SPESP1: variants seen among roughly 807,000 people sequenced by gnomAD.
The protein encoded by SPESP1 is equatorial segment protein.
Under a neutral mutation model 3.1 loss-of-function variants are expected in SPESP1, and 1 was observed. The ratio of observed to expected loss-of-function variants is 0.33; its 90% CI spans 0.12 to 1.54. The LOEUF is 1.54. Ranked by LOEUF, SPESP1 falls within the 40% of genes most tolerant of loss-of-function variation. The pLI, the probability that SPESP1 is intolerant of heterozygous loss-of-function variation, is 0.38. For missense variants in SPESP1, 398 were observed against 410.1 expected (o/e 0.97, Z 0.26); for synonymous variants, 138 against 150.7 (o/e 0.92, Z 0.62).
intron 1 of SPESP1, among the ~76,000 whole-genome samples, chr15:68,933,062 A>G (rs565704496): frequency 6.6e-6 from 1 of 152,338 alleles, no homozygotes; most frequent in South Asian, 2.1e-4. Flanking sequence ...TATGGCCACT[A>G]TTCAAACAAT....
At chr15:68,932,244 A>G (rs1200119608) in intron 1 of SPESP1, among the ~76,000 whole-genome samples, 1 of 152,194 alleles carries the variant, frequency 6.6e-6, no homozygotes, top group Non-Finnish European at 1.5e-5. Context: ...ACTAACATAT[A>G]TGGAGACTTT....
In SPESP1 at chr15:68,945,591, C is replaced by G. The variant is rs1172563544; in HGVS notation, c.65-8C>G. 2 of 1,525,694 alleles carry G rather than the reference C, an allele frequency of 1.3e-6. No individual in the cohort carries two copies. Among genetic ancestry groups the G allele is most frequent in the African/African-American group, 2.8e-5 (2 of 71,400 alleles). The allele number at this position is 1,525,694 out of a possible 1,614,324, so 94.5% of individuals were successfully genotyped here. A position where few individuals can be genotyped will look rare whatever the true frequency, so the allele number is the denominator to read the frequency against. The stretch of plus-strand genomic sequence containing the variant: ...TTACTTATTATTTATTTGATTTTTT[C>G]CCTGAAGGCATAACTGTGACACCTG... On this transcript the variant is annotated splice_region_variant and splice_polypyrimidine_tract_variant and intron_variant, in intron 1 of 1. Transcript: ENST00000310673.
chr15:68,936,079 T>C (rs1179394078), intron 1 of SPESP1, among the ~76,000 whole-genome samples: 1 of 152,198 alleles, frequency 6.6e-6, no homozygotes, highest in Non-Finnish European at 1.5e-5. Flanking sequence ...GTATAGAAAA[T>C]ACAAGCAATT....
intron 1 of SPESP1, among the ~76,000 whole-genome samples, chr15:68,932,639 G>A (rs960303499): frequency 3.9e-5 from 6 of 152,088 alleles, no homozygotes; most frequent in Admixed American, 2.0e-4. Context: ...TGATCCATCC[G>A]CCTCGGCCTT....
At chr15:68,940,227 C>G (rs2140424132) in intron 1 of SPESP1, among the ~76,000 whole-genome samples, 1 of 152,102 alleles carries the variant, frequency 6.6e-6, no homozygotes, top group East Asian at 1.9e-4. Context: ...ATGATTAATC[C>G]TATTTCATTG....
intron 1 of SPESP1, among the ~76,000 whole-genome samples, chr15:68,940,916 A>G (rs915949380): frequency 2.6e-5 from 4 of 152,090 alleles, no homozygotes; most frequent in Non-Finnish European, 4.4e-5. Context: ...TTTAATTATT[A>G]GCTGAAATAG....
At chr15:68,944,193 A>C (rs966969456) in intron 1 of SPESP1, among the ~76,000 whole-genome samples, 1 of 152,158 alleles carries the variant, frequency 6.6e-6, no homozygotes, top group African/African-American at 2.4e-5. Flanking sequence ...CTGGTTCAGG[A>C]GTAGTTGAAC....
At chr15:68,937,710 A>G (rs1374090907) in intron 1 of SPESP1, among the ~76,000 whole-genome samples, 1 of 152,122 alleles carries the variant, frequency 6.6e-6, no homozygotes, top group African/African-American at 2.4e-5. Context: ...CTCTCTGGGT[A>G]GGAGGGAACT....
In SPESP1 at chr15:68,946,591, A is replaced by C. The variant is rs2140430973; in HGVS notation, c.*4A>C. On this transcript the variant is annotated 3_prime_UTR_variant, in exon 2 of 2. Transcript: ENST00000310673. The stretch of plus-strand genomic sequence containing the variant: ...AGCCTTATTAAAAGTTTATTAAACA[A>C]TAATATAAAAATTTTAAACCTACTT... 7.0e-7 allele frequency: 1 copy of C among 1,436,176 alleles called. No homozygotes were observed. Among genetic ancestry groups the C allele is most frequent in the Non-Finnish European group, 9.1e-7 (1 of 1,097,528 alleles). The allele number at this position is 1,436,176 out of a possible 1,614,324, so 89.0% of individuals were successfully genotyped here. A position where few individuals can be genotyped will look rare whatever the true frequency, so the allele number is the denominator to read the frequency against.
At position 68,945,633 on chromosome 15, in the gene SPESP1, G is replaced by A. The variant is rs751038820; in HGVS notation, c.99G>A (p.Leu33=). Residue 33 remains leucine (L), a synonymous_variant, in exon 2 of 2, where the codon TTG becomes TTA. Coordinates refer to ENST00000310673, the MANE Select transcript of SPESP1 (RefSeq NM_145658.4). ...ITVTPDEEQN[L]NHYIQVLENL... is the part of the protein sequence containing the mutation. ...TGACACCTGATGAAGAGCAAAACTTGAATCATTATATACAAGTTTTAGAGA... is the reference window on the plus strand; with the variant it reads ...TGACACCTGATGAAGAGCAAAACTTAAATCATTATATACAAGTTTTAGAGA... 31 of 1,586,638 alleles carry A rather than the reference G, an allele frequency of 2.0e-5. No homozygotes were observed. In the South Asian group the frequency reaches 3.3e-4, roughly 17 times the overall value.
In SPESP1 at chr15:68,946,321, C is replaced by A. The variant is rs80281762; in HGVS notation, c.787C>A (p.Arg263=). 1,391 of 1,614,126 alleles carry A rather than the reference C, an allele frequency of 8.6e-4. 21 individuals are homozygous for A. In the East Asian group the frequency reaches 0.026, roughly 30 times the overall value. The change falls in exon 2 of 2, where the codon CGA becomes AGA. Residue 263 remains arginine, a synonymous_variant. Coordinates refer to ENST00000310673, the MANE Select transcript of SPESP1 (RefSeq NM_145658.4). ...TGAAGCCTCTAAAGATCACCTAAAA[C>A]GAAGCCTTGCTCTAGCAGCAGCAGC... ...DIEASKDHLK[R]SLALAAAAEH... is the part of the protein sequence containing the mutation.
At chr15:68,945,483 T>G in intron 1 of SPESP1, 116 bp from the exon 2 acceptor site, 1 of 826,784 alleles carries the variant, frequency 1.2e-6, no homozygotes, top group Non-Finnish European at 1.7e-6. Flanking sequence ...ATATTGGTTC[T>G]TTATTTCAAT....
At chr15:68,942,169 C>CTTTTTTTTTTTTTTTTT (rs778249415) in intron 1 of SPESP1, among the ~76,000 whole-genome samples, 7 of 142,864 alleles carry the variant, frequency 4.9e-5, no homozygotes, top group South Asian at 2.2e-4. Context: ...CATCTTATTT[C>CTTTTTTTTTTTTTTTTT]TTTTTTTTTT....
In SPESP1 at chr15:68,942,867, G is replaced by A. The variant is rs115887234; in HGVS notation, c.65-2732G>A. ...AAATATTTTATTTTCACTGCACAAG[G>A]CATATTCATTTTACTCAATTATTTT... On this transcript the variant is annotated intron_variant, in intron 1 of 1. Coordinates refer to ENST00000310673, the MANE Select transcript of SPESP1 (RefSeq NM_145658.4). Among the ~76,000 whole-genome samples the A allele has an allele frequency of 3.5e-3, 535 of 152,198 alleles. 3 individuals carry two copies. Among genetic ancestry groups the A allele is most frequent in the African/African-American group, 0.012 (518 of 41,540 alleles).
At position 68,945,945 on chromosome 15, in the gene SPESP1, A is replaced by G. The variant is rs767241385; in HGVS notation, c.411A>G (p.Glu137=). Residue 137 remains glutamate (E), a synonymous_variant, in exon 2 of 2, where the codon GAA becomes GAG. Coordinates refer to ENST00000310673, the MANE Select transcript of SPESP1 (RefSeq NM_145658.4). The part of the protein sequence containing the change: ...NNVSIVLHAE[E]PYIENEEPEP... ...TTTCCATTGTTTTGCATGCAGAGGA[A>G]CCTTATATTGAAAATGAAGAGCCAG... 3 of 1,614,002 alleles carry G rather than the reference A, an allele frequency of 1.9e-6. No homozygotes were observed. Among genetic ancestry groups the G allele is most frequent in the South Asian group, 2.2e-5 (2 of 91,074 alleles).
intron 1 of SPESP1, among the ~76,000 whole-genome samples, chr15:68,944,937 A>T (rs1895921777): frequency 6.6e-6 from 1 of 152,158 alleles, no homozygotes; most frequent in Non-Finnish European, 1.5e-5. Flanking sequence ...CATGGCGTAG[A>T]TACTCCAACC....
chr15:68,930,576 C>G lies in SPESP1; in HGVS notation c.-78C>G. On this transcript the variant is annotated 5_prime_UTR_variant, in exon 1 of 2. Transcript: ENST00000310673. ...CAGGACGGTACTCCGCTGACACCTTCCCTTTCGGCCTTGAGGTTCCCAGCC... is the reference window on the plus strand; with the variant it reads ...CAGGACGGTACTCCGCTGACACCTTGCCTTTCGGCCTTGAGGTTCCCAGCC... 1 of 1,586,948 alleles carries G rather than the reference C, an allele frequency of 6.3e-7. No individual in the cohort carries two copies.
chr15:68,931,069 G>A (rs1406148347), intron 1 of SPESP1, among the ~76,000 whole-genome samples: 1 of 152,164 alleles, frequency 6.6e-6, no homozygotes, highest in Non-Finnish European at 1.5e-5. Flanking sequence ...AGCTAGGAAT[G>A]ATTTTTACAT....
In SPESP1 at chr15:68,945,795, TGA is replaced by T. The variant is rs1895943614; in HGVS notation, c.262_263del (p.Asp88CysfsTer8). ...VTHGDASTEN[D>X]VLTNPISEET... ...CACATGGAGACGCTTCAACTGAGAA[TGA>T]TGTTTTAACCAATCCTATCAGTGAA... On this transcript the variant is annotated frameshift_variant, in exon 2 of 2. Transcript: ENST00000310673. LOFTEE classifies it low-confidence loss of function (END_TRUNC). The T allele has an allele frequency of 6.2e-7, 1 of 1,613,758 alleles. No homozygotes were observed. The highest frequency in any genetic ancestry group is 8.5e-7 in the Non-Finnish European group (1 of 1,179,972).
Sources: allele counts gnomAD v4.1 joint callset (sites outside exome capture counted in the v4.1 genomes callset), GRCh38; gene constraint gnomAD v4.1.1; transcripts MANE v1.5; gene names NCBI Gene and HGNC (gene_info 2026-07-23, HGNC 2026-07-21).